The following SLC25A30 variants were observed in gnomAD, a reference collection of about 807,000 sequenced individuals.
SLC25A30 encodes kidney mitochondrial carrier protein 1.
Under a neutral mutation model 42.7 loss-of-function variants are expected in SLC25A30, and 29 were observed. That is an observed-to-expected ratio of 0.68 (90% CI 0.51 to 0.93). SLC25A30 has a LOEUF of 0.93. Ranked by LOEUF, SLC25A30 falls within the 40% of genes least tolerant of loss-of-function variation. The pLI, the probability that SLC25A30 is intolerant of heterozygous loss-of-function variation, is 0.00. For missense variants in SLC25A30, 300 were observed against 359.7 expected (o/e 0.83, Z 1.34); for synonymous variants, 124 against 131.0 (o/e 0.95, Z 0.37).
chr13:45,397,005 GAACAGAGTCT>G, intron 9 of SLC25A30: 1 of 423,812 alleles, frequency 2.4e-6, no homozygotes, highest in East Asian at 4.8e-5. Flanking sequence ...TCAGCTTCTA[GAACAGAGTCT>G]AACTAAACCT....
intron 2 of SLC25A30, among the ~76,000 whole-genome samples, chr13:45,410,329 C>T (rs754207724): frequency 6.6e-6 from 1 of 152,140 alleles, no homozygotes; most frequent in African/African-American, 2.4e-5. Flanking sequence ...AGTGGCAAAG[C>T]TGGGGGAAAG....
At chr13:45,427,268 A>G in the SLC25A30 span, among the ~76,000 whole-genome samples, 1 of 152,146 alleles carries the variant, frequency 6.6e-6, no homozygotes, top group Middle Eastern at 3.2e-3. Context: ...GAAGCATAGG[A>G]TAAAGTTGTT....
chr13:45,418,773 T>G (rs952570201), upstream of SLC25A30: 5 of 151,180 alleles, frequency 3.3e-5, no homozygotes, highest in Non-Finnish European at 5.9e-5. Flanking sequence ...ACCCCAGCTT[T>G]TAGCTTGAAA....
At chr13:45,421,585 AGGTTCTACTCAATCCT>A (rs1351614677), upstream of SLC25A30, among the ~76,000 whole-genome samples, 3 of 152,110 alleles carry the variant, frequency 2.0e-5, no homozygotes, top group African/African-American at 7.2e-5. Context: ...ATGAAGACCT[AGGTTCTACTCAATCCT>A]GGCCACAGCT....
intron 5 of SLC25A30, among the ~76,000 whole-genome samples, chr13:45,403,872 G>T (rs1269064581): frequency 6.6e-6 from 1 of 151,522 alleles, no homozygotes; most frequent in African/African-American, 2.4e-5. Flanking sequence ...GCAGGGTGGA[G>T]GTTGCAGTGA....
the SLC25A30 span, among the ~76,000 whole-genome samples, chr13:45,424,733 G>GTATAAATATTATATCTATTTATATAAATA: frequency 4.2e-5 from 2 of 47,252 alleles, no homozygotes; most frequent in Non-Finnish European, 7.8e-5. Flanking sequence ...ATATAAATAT[G>GTATAAATATTATATCTATTTATATAAATA]TATAAATATT....
chr13:45,401,544 C>G (rs1881981068), intron 6 of SLC25A30, among the ~76,000 whole-genome samples: 1 of 151,872 alleles, frequency 6.6e-6, no homozygotes, highest in African/African-American at 2.4e-5. Context: ...CATTAGAATA[C>G]TAGGAAATAA....
chr13:45,399,183 G>A, intron 7 of SLC25A30, 105 bp from the exon 8 acceptor site: 2 of 1,228,202 alleles, frequency 1.6e-6, no homozygotes, highest in Non-Finnish European at 2.2e-6. Context: ...GGGTTTTCTT[G>A]TTTGTGGTTT....
chr13:45,424,825 A>AAAATATATATATAAAAATATATAT, the SLC25A30 span, among the ~76,000 whole-genome samples: 30 of 45,370 alleles, frequency 6.6e-4, no homozygotes, highest in Admixed American at 3.1e-3. Context: ...TAAATATATA[A>AAAATATATATATAAAAATATATAT]AAATATATAT....
the SLC25A30 span, among the ~76,000 whole-genome samples, chr13:45,428,642 C>T: frequency 1.3e-5 from 2 of 151,360 alleles, no homozygotes; most frequent in African/African-American, 4.9e-5. Context: ...CCTGCCTCAG[C>T]CTCCTGAGTA....
the SLC25A30 span, among the ~76,000 whole-genome samples, chr13:45,424,746 A>G: frequency 3.0e-5 from 2 of 65,806 alleles, 1 homozygote; most frequent in African/African-American, 1.2e-4. Flanking sequence ...TAAATATTAT[A>G]TCTATTTATA....
the SLC25A30 span, among the ~76,000 whole-genome samples, chr13:45,423,733 T>C: frequency 4.3e-3 from 251 of 58,974 alleles, 85 homozygotes; most frequent in African/African-American, 0.023. Flanking sequence ...TATATATAAA[T>C]ATATATAAAT....
chr13:45,425,238 A>G, the SLC25A30 span, among the ~76,000 whole-genome samples: 3 of 104,386 alleles, frequency 2.9e-5, no homozygotes, highest in Non-Finnish European at 5.1e-5. Context: ...AAATATTTAT[A>G]CATATATAAA....
the SLC25A30 span, among the ~76,000 whole-genome samples, chr13:45,430,570 C>T: frequency 6.6e-6 from 1 of 152,062 alleles, no homozygotes; most frequent in Admixed American, 6.6e-5. Flanking sequence ...CTCTAAGAGG[C>T]CGAGGCAGGT....
At chr13:45,424,316 T>A in the SLC25A30 span, among the ~76,000 whole-genome samples, 2 of 32,570 alleles carry the variant, frequency 6.1e-5, no homozygotes, top group East Asian at 5.6e-4. Flanking sequence ...AAAATATATA[T>A]AAATATATAA....
Position 45,393,368 on chromosome 13 carries a change from T to G in SLC25A30, c.*2606A>C. On this transcript the variant is annotated 3_prime_UTR_variant, in exon 10 of 10. Coordinates refer to ENST00000519676, the MANE Select transcript of SLC25A30 (RefSeq NM_001010875.4). ...TATTAAATAAATGAAACAAGGCTTA[T>G]GCCACATATTCCAACAATGTTTAAA... is the stretch of plus-strand genomic sequence containing the variant. 1.0e-6 allele frequency: 1 copy of G among 978,796 alleles called. No individual in the cohort carries two copies. Among genetic ancestry groups the G allele is most frequent in the Non-Finnish European group, 1.2e-6 (1 of 823,896 alleles). 60.6% of individuals were successfully genotyped at this position (978,796 alleles called of 1,614,324 possible). A position where few individuals can be genotyped will look rare whatever the true frequency, so the allele number is the denominator to read the frequency against.
In SLC25A30 at chr13:45,418,293, G is replaced by GACTT. The variant is rs1315542487; in HGVS notation, c.-56+3_-56+6dup. ...GCCGGCAGGAGGAGGCACGGGCCAG[G>GACTT]ACTTACCTGGCGGCAGCGGCCCCAC... On this transcript the variant is annotated splice_region_variant and intron_variant, in intron 1 of 9. Transcript: ENST00000519676. 1 of 152,302 alleles carries GACTT rather than the reference G, an allele frequency of 6.6e-6. No individual in the cohort carries two copies. Among genetic ancestry groups the GACTT allele is most frequent in the Non-Finnish European group, 1.5e-5 (1 of 68,138 alleles). The allele number at this position is 152,302 out of a possible 1,614,324, so 9.4% of individuals were successfully genotyped here. A position where few individuals can be genotyped will look rare whatever the true frequency, so the allele number is the denominator to read the frequency against.
chr13:45,396,122 A>T, intron 9 of SLC25A30, 107 bp from the exon 10 acceptor site: 2 of 1,608,178 alleles, frequency 1.2e-6, no homozygotes, highest in Non-Finnish European at 1.7e-6. Flanking sequence ...GTACAGGCAG[A>T]CCCACGCTAT....
chr13:45,403,974 A>G (rs1378909473), intron 5 of SLC25A30, among the ~76,000 whole-genome samples: 1 of 151,980 alleles, frequency 6.6e-6, no homozygotes, highest in African/African-American at 2.4e-5. Context: ...AAAAATAGTC[A>G]TTAATGAGCA....
Sources: allele counts gnomAD v4.1 joint callset (sites outside exome capture counted in the v4.1 genomes callset), GRCh38; gene constraint gnomAD v4.1.1; transcripts MANE v1.5; gene names NCBI Gene and HGNC (gene_info 2026-07-23, HGNC 2026-07-21).